The following SMARCC1 variants were observed in gnomAD, a reference collection of about 807,000 sequenced individuals.
The protein encoded by SMARCC1 is SWI/SNF related BAF chromatin remodeling complex subunit C1.
A neutral mutation model predicts 147.4 loss-of-function variants in SMARCC1; 43 were observed. That is an observed-to-expected ratio of 0.29 (90% CI 0.23 to 0.38). SMARCC1 has a LOEUF of 0.38. Among genes scored for constraint, SMARCC1 ranks in the 10% least tolerant of loss-of-function variants. SMARCC1 has a pLI of 1.00. For synonymous variants in SMARCC1, 495 were observed against 484.4 expected (o/e 1.02, Z -0.29); for missense variants, 1,119 against 1,381.1 (o/e 0.81, Z 3.01).
chr3:47,771,614 C>CA (rs2034915421), intron 2 of SMARCC1, among the ~76,000 whole-genome samples: 1 of 151,944 alleles, frequency 6.6e-6, no homozygotes, highest in Admixed American at 6.6e-5. Flanking sequence ...GTGGGTGGTG[C>CA]ATGCCTGTAG....
chr3:47,594,657 C>T (rs2032241795), intron 26 of SMARCC1, among the ~76,000 whole-genome samples: 2 of 152,080 alleles, frequency 1.3e-5, no homozygotes, highest in African/African-American at 2.4e-5. Flanking sequence ...TCCAGCTGAT[C>T]AATAAAAATT....
At chr3:47,631,715 C>T (rs1576393149) in intron 24 of SMARCC1, among the ~76,000 whole-genome samples, 1 of 152,182 alleles carries the variant, frequency 6.6e-6, no homozygotes, top group South Asian at 2.1e-4. Context: ...TATCACTCCA[C>T]GTCAGTATGA....
intron 24 of SMARCC1, among the ~76,000 whole-genome samples, chr3:47,625,755 G>T (rs1384556551): frequency 6.6e-6 from 1 of 152,060 alleles, no homozygotes; most frequent in Non-Finnish European, 1.5e-5. Flanking sequence ...ATATCTAAAT[G>T]ATCTTAGCTT....
chr3:47,778,212 A>AAAAAAAAAAAC (rs1553693293), intron 1 of SMARCC1, among the ~76,000 whole-genome samples: 1 of 121,320 alleles, frequency 8.2e-6, no homozygotes, highest in Non-Finnish European at 1.7e-5. Context: ...ACAAAAAACA[A>AAAAAAAAAAAC]AAAACAAAAA....
chr3:47,694,471 G>A (rs1019752929), intron 11 of SMARCC1, among the ~76,000 whole-genome samples: 5 of 152,034 alleles, frequency 3.3e-5, no homozygotes, highest in East Asian at 1.9e-4. Flanking sequence ...ATGGTGGTGC[G>A]CATGTGTAAT....
chr3:47,776,497 A>G (rs2034976938), intron 1 of SMARCC1, among the ~76,000 whole-genome samples: 1 of 151,878 alleles, frequency 6.6e-6, no homozygotes, highest in East Asian at 2.0e-4. Flanking sequence ...CCAGCTACTC[A>G]GGAGGCTGAG....
rs184195467 is a variant in SMARCC1 at position 47,595,419 on chromosome 3, C to T, written c.3044-4582G>A. Among the ~76,000 whole-genome samples the T allele has an allele frequency of 5.0e-3, 763 of 151,806 alleles. 6 individuals are homozygous for T. Among genetic ancestry groups the T allele is most frequent in the African/African-American group, 0.017 (720 of 41,416 alleles). On this transcript the variant is annotated intron_variant, in intron 26 of 27. Coordinates refer to ENST00000254480, the MANE Select transcript of SMARCC1 (RefSeq NM_003074.4). The stretch of plus-strand genomic sequence containing the variant: ...GTGGGCACCTGTAATCCCAGCTACT[C>T]GGGAGGCTGAGGCAGGAGAATCGCT...
At chr3:47,769,828 C>G (rs191190912) in intron 2 of SMARCC1, among the ~76,000 whole-genome samples, 1 of 152,306 alleles carries the variant, frequency 6.6e-6, no homozygotes. Flanking sequence ...ATAAACTTTT[C>G]TGGAATAACC....
At chr3:47,690,784 T>A (rs535961295) in intron 12 of SMARCC1, among the ~76,000 whole-genome samples, 49 of 152,326 alleles carry the variant, frequency 3.2e-4, no homozygotes, top group African/African-American at 1.1e-3. Context: ...GGTGGCTTAA[T>A]GTGTGAGTTA....
intron 1 of SMARCC1, among the ~76,000 whole-genome samples, chr3:47,779,855 A>T (rs2106885387): frequency 6.6e-6 from 1 of 152,348 alleles, no homozygotes; most frequent in East Asian, 1.9e-4. Flanking sequence ...GACCCAAAGC[A>T]TTGGCTAAAA....
chr3:47,762,234 A>G (rs2034781746), intron 2 of SMARCC1, among the ~76,000 whole-genome samples: 1 of 152,090 alleles, frequency 6.6e-6, no homozygotes, highest in Non-Finnish European at 1.5e-5. Context: ...TGCTACAGGT[A>G]CTCCCCAGGA....
chr3:47,781,045 A>G (rs761164397), intron 1 of SMARCC1, among the ~76,000 whole-genome samples: 2 of 152,182 alleles, frequency 1.3e-5, no homozygotes, highest in Non-Finnish European at 2.9e-5. Flanking sequence ...CACTTTACGT[A>G]CAAGCGACCA....
At chr3:47,666,313 G>C (rs574571605) in intron 19 of SMARCC1, among the ~76,000 whole-genome samples, 96 of 152,260 alleles carry the variant, frequency 6.3e-4, no homozygotes, top group South Asian at 2.5e-3. Context: ...CCTCTGTACA[G>C]CTCTTGTGCT....
intron 2 of SMARCC1, among the ~76,000 whole-genome samples, chr3:47,755,898 G>A (rs997602313): frequency 4.1e-5 from 6 of 146,516 alleles, no homozygotes; most frequent in Non-Finnish European, 1.5e-5. Context: ...GCTGAGGCAA[G>A]GGAATCGCTT....
At chr3:47,693,868 G>A (rs2033818647) in intron 11 of SMARCC1, among the ~76,000 whole-genome samples, 1 of 152,062 alleles carries the variant, frequency 6.6e-6, no homozygotes, top group Non-Finnish European at 1.5e-5. Flanking sequence ...TTGCCATGTT[G>A]CCCAGGCTGG....
intron 5 of SMARCC1, among the ~76,000 whole-genome samples, chr3:47,730,826 A>C (rs541631056): frequency 7.9e-5 from 12 of 151,708 alleles, no homozygotes; most frequent in Admixed American, 7.3e-4. Context: ...AGATTGCGCC[A>C]TTGCACTCCA....
At chr3:47,686,236 T>G in intron 13 of SMARCC1, 66 bp from the exon 14 acceptor site, 122 of 1,267,922 alleles carry the variant, frequency 9.6e-5, no homozygotes, top group Non-Finnish European at 1.2e-4. Context: ...ATAACATCTC[T>G]TACACTTCAG....
At chr3:47,644,709 G>A (rs1291461940) in intron 21 of SMARCC1, among the ~76,000 whole-genome samples, 12 of 151,964 alleles carry the variant, frequency 7.9e-5, no homozygotes, top group Non-Finnish European at 1.6e-4. Context: ...GGTTTCACCA[G>A]GTTGGCCAGG....
At position 47,641,689 on chromosome 3, in the gene SMARCC1, G is replaced by A. The variant is rs114154316; in HGVS notation, c.2321-2909C>T. Among the ~76,000 whole-genome samples, 646 of 152,124 alleles carry A rather than the reference G, an allele frequency of 4.2e-3. 7 individuals are homozygous for A. Among genetic ancestry groups the A allele is most frequent in the African/African-American group, 0.015 (622 of 41,492 alleles). On this transcript the variant is annotated intron_variant, in intron 21 of 27. Coordinates refer to ENST00000254480, the MANE Select transcript of SMARCC1 (RefSeq NM_003074.4). ...ACAAAAAAAATCTAGATAAAGACACGTGAAAAAATAAAACTTGAATGTTAT... is the reference window on the plus strand; with the variant it reads ...ACAAAAAAAATCTAGATAAAGACACATGAAAAAATAAAACTTGAATGTTAT...
Sources: allele counts gnomAD v4.1 joint callset (sites outside exome capture counted in the v4.1 genomes callset), GRCh38; gene constraint gnomAD v4.1.1; transcripts MANE v1.5; gene names NCBI Gene and HGNC (gene_info 2026-07-23, HGNC 2026-07-21).